The following FBN2 variants were observed in gnomAD, a reference collection of about 807,000 sequenced individuals.
FBN2 encodes the protein fibrillin 2.
In FBN2, 105 loss-of-function variants were observed where a neutral mutation model predicts 355.6. The observed-to-expected ratio is 0.30, with a 90% CI of 0.25 to 0.35. The LOEUF is 0.35. FBN2 is among the 10% of genes least tolerant of loss of function. The pLI, the probability that FBN2 is intolerant of heterozygous loss-of-function variation, is 1.00. For synonymous variants in FBN2, 1,350 were observed against 1,301.2 expected (o/e 1.04, Z -0.81); for missense variants, 3,280 against 3,758.7 (o/e 0.87, Z 3.33).
At chr5:128,471,312 TA>T (rs1156504301) in intron 5 of FBN2, among the ~76,000 whole-genome samples, 1 of 151,970 alleles carries the variant, frequency 6.6e-6, no homozygotes, top group Non-Finnish European at 1.5e-5. Flanking sequence ...ATCACAGATA[TA>T]AACACAGCAA....
intron 8 of FBN2, among the ~76,000 whole-genome samples, chr5:128,403,136 TA>T (rs771697425): frequency 6.8e-4 from 103 of 152,254 alleles, no homozygotes; most frequent in Non-Finnish European, 1.2e-3. Flanking sequence ...CAGCGTTACA[TA>T]GAGTGCTGTG....
intron 8 of FBN2, among the ~76,000 whole-genome samples, chr5:128,406,476 A>C (rs1002706969): frequency 2.6e-5 from 4 of 152,192 alleles, no homozygotes; most frequent in African/African-American, 9.6e-5. Flanking sequence ...TGTTCACTTA[A>C]AAGAAGTACT....
At chr5:128,517,704 G>A (rs1275615015) in intron 5 of FBN2, among the ~76,000 whole-genome samples, 1 of 152,186 alleles carries the variant, frequency 6.6e-6, no homozygotes, top group African/African-American at 2.4e-5. Context: ...TGAAAAGCAA[G>A]ATGAAGTTTT....
chr5:128,456,501 A>C (rs1317471134), intron 6 of FBN2, among the ~76,000 whole-genome samples: 1 of 152,092 alleles, frequency 6.6e-6, no homozygotes, highest in Admixed American at 6.5e-5. Flanking sequence ...AGACCCTCCA[A>C]AAGCGGTTGT....
At chr5:128,295,059 G>C in intron 48 of FBN2, among the ~76,000 whole-genome samples, 1 of 151,100 alleles carries the variant, frequency 6.6e-6, no homozygotes, top group East Asian at 1.9e-4. Flanking sequence ...CATATGGCTA[G>C]CCAGTTTTCC....
At chr5:128,320,912 A>AC (rs2126876337) in intron 34 of FBN2, among the ~76,000 whole-genome samples, 1 of 152,340 alleles carries the variant, frequency 6.6e-6, no homozygotes, top group East Asian at 1.9e-4. Context: ...AATAAATTAT[A>AC]AGAAAATTAG....
chr5:128,458,824 T>C (rs1260761987), intron 6 of FBN2, among the ~76,000 whole-genome samples: 1 of 152,100 alleles, frequency 6.6e-6, no homozygotes, highest in African/African-American at 2.4e-5. Flanking sequence ...TTTATAGCAC[T>C]AAATGCCCAC....
intron 7 of FBN2, among the ~76,000 whole-genome samples, chr5:128,420,950 T>C (rs886575361): frequency 6.6e-6 from 1 of 152,182 alleles, no homozygotes; most frequent in Non-Finnish European, 1.5e-5. Context: ...TTGGCAGATA[T>C]AGTTATTGAT....
At chr5:128,446,346 A>T in intron 7 of FBN2, 135 bp downstream of exon 7, 1 of 926,742 alleles carries the variant, frequency 1.1e-6, no homozygotes, top group Non-Finnish European at 1.7e-6. Flanking sequence ...GAACTACTCT[A>T]GGCTTAAACC....
In FBN2 at chr5:128,408,712, C is replaced by A. The variant is rs112428886; in HGVS notation, c.1040G>T (p.Arg347Leu). 6.2e-7 allele frequency: 1 copy of A among 1,613,988 alleles called. No individual in the cohort carries two copies. ...TVGSYFCVCP[R>L]GYVTSTDGSR... ...GCCATCTGTTGAGGTTACATATCCA[C>A]GTGGACAAACACAAAAATAGCTTCC... Residue 347 changes from arginine to leucine, a missense_variant, in exon 8 of 65, where the codon CGT (arginine) becomes CTT (leucine). Around this residue, in one of 6 missense-constraint regions of FBN2, gnomAD observed 343 missense variants for 331.0 expected, o/e 1.04. Coordinates refer to ENST00000262464, the MANE Select transcript of FBN2 (RefSeq NM_001999.4).
intron 20 of FBN2, among the ~76,000 whole-genome samples, chr5:128,354,234 C>T (rs1462571334): frequency 1.3e-5 from 2 of 152,058 alleles, no homozygotes; most frequent in South Asian, 2.1e-4. Context: ...CCTGCAAACC[C>T]GAGAGAAAAA....
intron 5 of FBN2, among the ~76,000 whole-genome samples, chr5:128,512,337 C>A (rs1330239733): frequency 6.6e-6 from 1 of 151,966 alleles, no homozygotes; most frequent in African/African-American, 2.4e-5. Context: ...CGTGGCAAAA[C>A]CCCATCTCTA....
chr5:128,320,720 CA>C (rs1275638627), intron 34 of FBN2, among the ~76,000 whole-genome samples: 1 of 152,150 alleles, frequency 6.6e-6, no homozygotes, highest in Non-Finnish European at 1.5e-5. Context: ...GATGATGAGA[CA>C]TTTTTATATA....
intron 2 of FBN2, among the ~76,000 whole-genome samples, chr5:128,534,455 G>A (rs550826679): frequency 1.3e-5 from 2 of 152,126 alleles, no homozygotes; most frequent in Non-Finnish European, 1.5e-5. Flanking sequence ...CCTATTTTGT[G>A]CACTGTTTAA....
At chr5:128,501,226 G>C (rs1198792724) in intron 5 of FBN2, among the ~76,000 whole-genome samples, 1 of 152,178 alleles carries the variant, frequency 6.6e-6, no homozygotes, top group African/African-American at 2.4e-5. Context: ...TGACAAGAGG[G>C]AGTGATCCTG....
At chr5:128,331,162 C>A (rs1750681977) in intron 32 of FBN2, among the ~76,000 whole-genome samples, 1 of 152,020 alleles carries the variant, frequency 6.6e-6, no homozygotes, top group African/African-American at 2.4e-5. Flanking sequence ...ATGTTAAACA[C>A]AGAAAAAAAC....
chr5:128,458,383 A>G lies in FBN2; in HGVS notation c.826+6341T>C, dbSNP rs551242787. Among the ~76,000 whole-genome samples, 4 of 152,062 alleles carry G rather than the reference A, an allele frequency of 2.6e-5. No individual in the cohort carries two copies. The East Asian group carries it at 7.7e-4, about 29-fold the overall frequency. On this transcript the variant is annotated intron_variant, in intron 6 of 64. Coordinates refer to ENST00000262464, the MANE Select transcript of FBN2 (RefSeq NM_001999.4). ...TGGGAGACTTTAACACCCCACTGTCAGTACTAGACGGATAAATGAGACAGG... is the reference window on the plus strand; with the variant it reads ...TGGGAGACTTTAACACCCCACTGTCGGTACTAGACGGATAAATGAGACAGG...
rs576679175 is a variant in FBN2, at chr5:128,277,883, T to C, written c.7468A>G (p.Ile2490Val). 10 of 1,614,126 alleles carry C rather than the reference T, an allele frequency of 6.2e-6. No homozygotes were observed. The Admixed American group carries it at 8.3e-5, about 13-fold the overall frequency. The change falls in exon 58 of 65, where the codon ATA becomes GTA. Residue 2490 changes from isoleucine (I) to valine (V), a missense_variant. By Grantham distance (29) the Ile-to-Val change is conservative (BLOSUM62 3). Transcript: ENST00000262464. ...ATATAGAGGTGCCCATCGTTACCTA[T>C]ACAAGAGGTTCCACTGATGTCTGTG... ...YTTDISGTSCIDLDECSQSPK... is the reference protein window; with the variant it reads ...YTTDISGTSCVDLDECSQSPK...
intron 8 of FBN2, among the ~76,000 whole-genome samples, chr5:128,401,248 G>A (rs1340480173): frequency 1.3e-5 from 2 of 152,146 alleles, no homozygotes; most frequent in East Asian, 3.8e-4. Context: ...GATATTGAGA[G>A]GGGTTCACAA....
Sources: allele counts gnomAD v4.1 joint callset (sites outside exome capture counted in the v4.1 genomes callset), GRCh38; gene constraint gnomAD v4.1.1; regional missense constraint gnomAD v4.1.1; transcripts MANE v1.5; gene names NCBI Gene and HGNC (gene_info 2026-07-23, HGNC 2026-07-21).